TYW1: variants seen among roughly 807,000 people sequenced by gnomAD.
TYW1 encodes the protein tRNA-yW synthesizing protein 1 homolog, also known as S-adenosyl-L-methionine-dependent tRNA 4-demethylwyosine synthase TYW1.
In TYW1, 46 loss-of-function variants were observed where a neutral mutation model predicts 96.2. That is an observed-to-expected ratio of 0.48 (90% confidence interval 0.38 to 0.61). TYW1 has a LOEUF of 0.61. Ranked by LOEUF, TYW1 falls within the 20% of genes least tolerant of loss-of-function variation. The pLI is 0.00. For synonymous variants in TYW1, 274 were observed against 323.0 expected (o/e 0.85, Z 1.63); for missense variants, 684 against 909.6 (o/e 0.75, Z 3.19).
chr7:67,214,044 A>C (rs1801129558), intron 15 of TYW1, among the ~76,000 whole-genome samples: 1 of 152,202 alleles, frequency 6.6e-6, no homozygotes, highest in Non-Finnish European at 1.5e-5. Flanking sequence ...CAATGTCTAC[A>C]AAATCACTCT....
At position 67,070,522 on chromosome 7, in the gene TYW1, A is replaced by G. The variant is rs536610710; in HGVS notation, c.1274+3119A>G. Among the ~76,000 whole-genome samples the G allele has an allele frequency of 7.4e-4, 113 of 152,098 alleles. 1 individual carries two copies. Among genetic ancestry groups the G allele is most frequent in the African/African-American group, 2.7e-3 (112 of 41,490 alleles). On this transcript the variant is annotated intron_variant, in intron 10 of 15. Transcript: ENST00000359626. ...TGAGGTTTTTCTTTGGCCTGTTCAA[A>G]TCTTCTGTTGAAACCCTCTAGTGAA...
intron 13 of TYW1, among the ~76,000 whole-genome samples, chr7:67,137,621 G>C (rs1335002301): frequency 6.6e-6 from 1 of 152,168 alleles, no homozygotes; most frequent in African/African-American, 2.4e-5. Flanking sequence ...TATGTGGCCA[G>C]TTTAAACAAG....
chr7:67,000,341 C>T (rs1312178889), intron 3 of TYW1, among the ~76,000 whole-genome samples: 1 of 152,124 alleles, frequency 6.6e-6, no homozygotes, highest in Non-Finnish European at 1.5e-5. Context: ...CTCTGTCCCC[C>T]AGCCTGGAGT....
At chr7:67,132,619 T>C (rs1214464869) in intron 13 of TYW1, among the ~76,000 whole-genome samples, 2 of 152,200 alleles carry the variant, frequency 1.3e-5, no homozygotes, top group African/African-American at 4.8e-5. Flanking sequence ...TACATTCATA[T>C]TATATGCAAC....
intron 13 of TYW1, among the ~76,000 whole-genome samples, chr7:67,167,858 G>A (rs1032773703): frequency 2.6e-5 from 4 of 151,866 alleles, no homozygotes; most frequent in Non-Finnish European, 5.9e-5. Flanking sequence ...GAGTTCAAGC[G>A]ATTCTCCTGC....
intron 15 of TYW1, among the ~76,000 whole-genome samples, chr7:67,218,052 T>G (rs1316009441): frequency 6.6e-6 from 1 of 151,550 alleles, no homozygotes; most frequent in African/African-American, 2.4e-5. Context: ...AGAGATGGGA[T>G]TTCACCATGT....
intron 13 of TYW1, among the ~76,000 whole-genome samples, chr7:67,154,963 G>C (rs887493384): frequency 2.0e-5 from 3 of 151,960 alleles, no homozygotes; most frequent in African/African-American, 7.3e-5. Context: ...ATCTCTTGTT[G>C]ATGCTCTTGA....
At chr7:66,999,831 T>TC (rs1183745832) in intron 3 of TYW1, among the ~76,000 whole-genome samples, 8 of 152,238 alleles carry the variant, frequency 5.3e-5, no homozygotes, top group African/African-American at 1.7e-4. Context: ...CAGTTGCTTA[T>TC]CTGTGAAATG....
At position 67,179,173 on chromosome 7, in the gene TYW1, G is replaced by C. The variant is rs890838354; in HGVS notation, c.1699-3953G>C. Among the ~76,000 whole-genome samples the C allele has an allele frequency of 1.5e-5, 2 of 135,884 alleles. 1 individual carries two copies. Among genetic ancestry groups the C allele is most frequent in the African/African-American group, 6.0e-5 (2 of 33,326 alleles). 89.1% of individuals were successfully genotyped at this position (135,884 alleles called of 152,430 possible). The stretch of plus-strand genomic sequence containing the variant: ...TATTTACATGCAAATTAAGGGGCAG[G>C]CCAATGCAAATAAAGGGATGTGTTA... On this transcript the variant is annotated intron_variant, in intron 13 of 15. Transcript: ENST00000359626.
chr7:67,067,305 A>T lies in TYW1; in HGVS notation c.1176A>T (p.Gly392=). 6.2e-7 allele frequency: 1 copy of T among 1,613,892 alleles called. No individual in the cohort carries two copies. The highest frequency in any genetic ancestry group is 1.1e-5 in the South Asian group (1 of 91,072). The part of the protein sequence containing the change: ...RWTKSMLRGR[G]GCYKHTFYGI... ...CATAGTCCATGCTCCGAGGGAGAGG[A>T]GGTTGTTACAAACACACATTCTATG... Residue 392 remains glycine, a synonymous_variant, in exon 10 of 16, where the codon GGA becomes GGT. Transcript: ENST00000359626.
At chr7:67,192,100 C>T (rs1452752262) in intron 14 of TYW1, among the ~76,000 whole-genome samples, 2 of 151,706 alleles carry the variant, frequency 1.3e-5, no homozygotes, top group African/African-American at 4.8e-5. Flanking sequence ...TTCACCATGT[C>T]GGCAAGGCTG....
chr7:67,097,837 CAT>C (rs1216168475), intron 11 of TYW1, among the ~76,000 whole-genome samples: 5 of 151,304 alleles, frequency 3.3e-5, no homozygotes, highest in African/African-American at 1.2e-4. Context: ...GGACCACAGA[CAT>C]GTGCCACCAT....
At chr7:67,112,557 G>T (rs1042335735) in intron 12 of TYW1, among the ~76,000 whole-genome samples, 5 of 151,040 alleles carry the variant, frequency 3.3e-5, no homozygotes, top group African/African-American at 1.2e-4. Context: ...TGGAGGTTGT[G>T]GTGAGCCAAG....
intron 7 of TYW1, among the ~76,000 whole-genome samples, chr7:67,031,176 G>A (rs1794661437): frequency 1.5e-5 from 2 of 132,394 alleles, no homozygotes; most frequent in Non-Finnish European, 3.2e-5. Context: ...CTAGGCGACA[G>A]AGCGAGACTC....
intron 13 of TYW1, among the ~76,000 whole-genome samples, chr7:67,177,222 A>G (rs1296933553): frequency 1.3e-5 from 2 of 151,934 alleles, no homozygotes; most frequent in Non-Finnish European, 2.9e-5. Context: ...GTTTTGGTGG[A>G]TTTTTGACAC....
intron 13 of TYW1, among the ~76,000 whole-genome samples, chr7:67,138,709 G>A (rs34787423): frequency 0.3 from 45,041 of 151,746 alleles, 6,990 homozygotes; most frequent in African/African-American, 0.38. Context: ...CGATCCCACA[G>A]TTAAGTGAGA....
At chr7:67,105,588 G>T (rs1395212141) in intron 12 of TYW1, among the ~76,000 whole-genome samples, 1 of 152,116 alleles carries the variant, frequency 6.6e-6, no homozygotes, top group Admixed American at 6.6e-5. Context: ...TCTTTTCCAG[G>T]AAGCCCTGTG....
chr7:67,086,042 C>T (rs1796539964), intron 11 of TYW1, among the ~76,000 whole-genome samples: 1 of 151,514 alleles, frequency 6.6e-6, no homozygotes, highest in Non-Finnish European at 1.5e-5. Context: ...TTGACCTGTA[C>T]ATATTTGTGT....
At chr7:67,129,077 G>A (rs1797989043) in intron 13 of TYW1, among the ~76,000 whole-genome samples, 1 of 152,206 alleles carries the variant, frequency 6.6e-6, no homozygotes, top group Middle Eastern at 3.2e-3. Flanking sequence ...GGGACAGGTT[G>A]GCTAGAGTGT....
Sources: gnomAD v4.1 joint callset for allele counts (sites outside exome capture counted in the v4.1 genomes callset) on GRCh38, gnomAD v4.1.1 for gene constraint, MANE v1.5 for transcripts, NCBI Gene and HGNC (gene_info 2026-07-23, HGNC 2026-07-21) for gene names.